Variants in GNG7 observed in about 807,000 individuals in gnomAD.
The protein encoded by GNG7 is G protein subunit gamma 7, also known as guanine nucleotide-binding protein G(I)/G(S)/G(O) subunit gamma-7.
A neutral mutation model predicts 4.0 loss-of-function variants in GNG7; 1 was observed. The observed-to-expected ratio is 0.25, with a 90% CI of 0.09 to 1.18. The LOEUF is 1.18. Among genes scored for constraint, GNG7 ranks in the 50% most tolerant of loss-of-function variants. The probability of loss-of-function intolerance (pLI) is 0.50; values close to 1 mark genes in which losing one functional copy is unlikely to be tolerated. For synonymous variants in GNG7, 34 were observed against 36.9 expected (o/e 0.92, Z 0.29); for missense variants, 86 against 91.9 (o/e 0.94, Z 0.26).
chr19:2,618,547 C>T lies in GNG7; in HGVS notation c.-78+27677G>A, dbSNP rs1005419884. On this transcript the variant is annotated intron_variant, in intron 2 of 4. Coordinates refer to ENST00000382159, the MANE Select transcript of GNG7 (RefSeq NM_052847.3). The surrounding 1 kb of genome is among the most constrained non-coding windows in gnomAD (Gnocchi z 5.1). ...TATTTTCAGTGGAGACGGGGTTTCGCCATGTTGTCCAGGCTGGTCTCGAAC... is the reference window on the plus strand; with the variant it reads ...TATTTTCAGTGGAGACGGGGTTTCGTCATGTTGTCCAGGCTGGTCTCGAAC... Among the ~76,000 whole-genome samples the T allele has an allele frequency of 6.6e-6, 1 of 151,958 alleles. No homozygotes were observed. The highest frequency in any genetic ancestry group is 2.4e-5 in the African/African-American group (1 of 41,378).
At chr19:2,647,844 A>G (rs1461738892) in intron 1 of GNG7, among the ~76,000 whole-genome samples, 1 of 151,996 alleles carries the variant, frequency 6.6e-6, no homozygotes, top group African/African-American at 2.4e-5. Flanking sequence ...CCGGGTCAAC[A>G]TGTTGAAATC....
At position 2,600,282 on chromosome 19, in the gene GNG7, G is replaced by A. The variant is rs371800940; in HGVS notation, c.-77-45094C>T. ...TTTTTCAAAAAAAAAAAACATTGAGGGGAAATAGTGGCATTGTTTTACATT... is the reference window on the plus strand; with the variant it reads ...TTTTTCAAAAAAAAAAAACATTGAGAGGAAATAGTGGCATTGTTTTACATT... On this transcript the variant is annotated intron_variant, in intron 2 of 4. Coordinates refer to ENST00000382159, the MANE Select transcript of GNG7 (RefSeq NM_052847.3). 2.0e-5 allele frequency among the ~76,000 whole-genome samples: 3 copies of A among 151,476 alleles called. No homozygotes were observed. In the East Asian group the frequency reaches 5.8e-4, roughly 29 times the overall value.
intron 3 of GNG7, among the ~76,000 whole-genome samples, chr19:2,542,881 C>CA (rs538140136): frequency 6.3e-4 from 74 of 118,338 alleles, no homozygotes; most frequent in African/African-American, 2.4e-3. Flanking sequence ...TGCTGTTTTC[C>CA]TTTTTTTTTT....
At chr19:2,700,668 C>G (rs940376305) in intron 1 of GNG7, 1 of 152,210 alleles carries the variant, frequency 6.6e-6, no homozygotes, top group African/African-American at 2.4e-5. Context: ...ATGCATACAT[C>G]CCGTAATTCG....
At chr19:2,560,327 A>C (rs1979703160) in intron 2 of GNG7, among the ~76,000 whole-genome samples, 1 of 152,076 alleles carries the variant, frequency 6.6e-6, no homozygotes, top group African/African-American at 2.4e-5. Flanking sequence ...CTCAGACCCC[A>C]CATCACCCCA....
chr19:2,582,656 A>ATTTTTTT (rs35625825), intron 2 of GNG7, among the ~76,000 whole-genome samples: 51 of 86,168 alleles, frequency 5.9e-4, no homozygotes, highest in South Asian at 8.9e-4. Flanking sequence ...CTAATTGTTA[A>ATTTTTTT]TTTTTTTTTT....
intron 3 of GNG7, among the ~76,000 whole-genome samples, chr19:2,530,273 C>T (rs1978540582): frequency 6.6e-6 from 1 of 151,006 alleles, no homozygotes; most frequent in South Asian, 2.1e-4. Context: ...ATTAGCTGGG[C>T]ATGGTGGCAC....
intron 2 of GNG7, among the ~76,000 whole-genome samples, chr19:2,572,851 A>G (rs1310293058): frequency 6.9e-6 from 1 of 145,348 alleles, no homozygotes; most frequent in Non-Finnish European, 1.5e-5. Context: ...CCCACCTCGG[A>G]CTCCCAGGTT....
chr19:2,685,105 C>G (rs1345070120), intron 1 of GNG7, among the ~76,000 whole-genome samples: 2 of 147,534 alleles, frequency 1.4e-5, no homozygotes, highest in African/African-American at 5.0e-5. Context: ...GCCTGGGTGA[C>G]AAGAGCGAGA....
intron 1 of GNG7, among the ~76,000 whole-genome samples, chr19:2,669,741 G>A (rs370873959): frequency 1.3e-5 from 2 of 152,234 alleles, no homozygotes; most frequent in South Asian, 4.1e-4. Flanking sequence ...TGGGTGCAGC[G>A]GCTCATGCCT....
chr19:2,600,056 T>A (rs1221681140), intron 2 of GNG7, among the ~76,000 whole-genome samples: 1 of 151,950 alleles, frequency 6.6e-6, no homozygotes, highest in Non-Finnish European at 1.5e-5. Flanking sequence ...AATAAAGCTG[T>A]CATATAAAAT....
rs571190271 is a variant in GNG7, at chr19:2,545,045, T to C, written c.-38+10104A>G. Reference sequence around the variant, plus strand: ...TCTCCCTCCCAGCTCGGTGTGGATTTCATTGTGTGCAGCCTCCTGGGACCT... The same window carrying C: ...TCTCCCTCCCAGCTCGGTGTGGATTCCATTGTGTGCAGCCTCCTGGGACCT... On this transcript the variant is annotated intron_variant, in intron 3 of 4. Coordinates refer to ENST00000382159, the MANE Select transcript of GNG7 (RefSeq NM_052847.3). Among the ~76,000 whole-genome samples, 9 of 152,254 alleles carry C rather than the reference T, an allele frequency of 5.9e-5. No homozygotes were observed. In the South Asian group the frequency reaches 1.2e-3, roughly 21 times the overall value.
chr19:2,665,962 T>C (rs1401601664), intron 1 of GNG7, among the ~76,000 whole-genome samples: 2 of 151,650 alleles, frequency 1.3e-5, no homozygotes, highest in African/African-American at 4.9e-5. Flanking sequence ...GCCTCCCGGG[T>C]TCAAGTGATT....
At chr19:2,661,337 A>AAAGAAAGAAAGAAAGG (rs1983169728) in intron 1 of GNG7, among the ~76,000 whole-genome samples, 1 of 147,458 alleles carries the variant, frequency 6.8e-6, no homozygotes, top group Admixed American at 6.7e-5. Context: ...AGAAAGAAAG[A>AAAGAAAGAAAGAAAGG]AAGAAAGAAA....
At chr19:2,700,603 G>A (rs1913378610) in intron 1 of GNG7, 1 of 152,146 alleles carries the variant, frequency 6.6e-6, no homozygotes, top group South Asian at 2.1e-4. Context: ...AAACTGGATT[G>A]AGTCCATTAT....
intron 2 of GNG7, among the ~76,000 whole-genome samples, chr19:2,588,398 C>G (rs142304474): frequency 6.6e-5 from 10 of 152,170 alleles, no homozygotes; most frequent in Admixed American, 5.9e-4. Flanking sequence ...CTCTGCAAAG[C>G]GACAGGTAGT....
At chr19:2,526,519 C>T in intron 3 of GNG7, among the ~76,000 whole-genome samples, 1 of 148,036 alleles carries the variant, frequency 6.8e-6, no homozygotes, top group Admixed American at 6.7e-5. Context: ...TATTTATACT[C>T]ATATTTATAT....
intron 2 of GNG7, among the ~76,000 whole-genome samples, chr19:2,580,226 A>T (rs567271819): frequency 2.0e-5 from 3 of 150,046 alleles, no homozygotes; most frequent in Admixed American, 6.6e-5. Context: ...TCACCCCTTC[A>T]TGCCTCTCTG....
chr19:2,602,495 C>A (rs1981231604), intron 2 of GNG7, among the ~76,000 whole-genome samples: 1 of 152,226 alleles, frequency 6.6e-6, no homozygotes, highest in Non-Finnish European at 1.5e-5. Context: ...CAGGAATGCG[C>A]TGTGCAGAAG....
Sources: allele counts gnomAD v4.1 joint callset (sites outside exome capture counted in the v4.1 genomes callset), GRCh38; gene constraint gnomAD v4.1.1; non-coding constraint Gnocchi (gnomAD v3.1); transcripts MANE v1.5; gene names NCBI Gene and HGNC (gene_info 2026-07-23, HGNC 2026-07-21).